Variants in FAM50B observed in about 807,000 individuals in gnomAD.
FAM50B encodes family with sequence similarity 50 member B, also known as protein FAM50B.
FAM50B carries 9 observed loss-of-function variants against 25.4 expected under a neutral mutation model. The ratio of observed to expected loss-of-function variants is 0.35; its 90% confidence interval spans 0.21 to 0.62. FAM50B has a LOEUF of 0.62. Among genes scored for constraint, FAM50B ranks in the 20% least tolerant of loss-of-function variants. The pLI, the probability that FAM50B is intolerant of heterozygous loss-of-function variation, is 0.73. For synonymous variants in FAM50B, 212 were observed against 204.3 expected (o/e 1.04, Z -0.32); for missense variants, 372 against 477.9 (o/e 0.78, Z 2.07).
the FAM50B span, among the ~76,000 whole-genome samples, chr6:3,837,085 A>G: frequency 6.6e-6 from 1 of 152,184 alleles, no homozygotes; most frequent in Non-Finnish European, 1.5e-5. Flanking sequence ...AATTAACTCA[A>G]ACTGGACCAC....
chr6:3,847,479 A>T (rs182223286), upstream of FAM50B, among the ~76,000 whole-genome samples: 1 of 152,082 alleles, frequency 6.6e-6, no homozygotes, highest in East Asian at 1.9e-4. Flanking sequence ...AAGCTTCCTC[A>T]CCTCTCTCAG....
upstream of FAM50B, among the ~76,000 whole-genome samples, chr6:3,845,405 A>T (rs937498655): frequency 2.6e-5 from 4 of 152,208 alleles, no homozygotes; most frequent in Non-Finnish European, 5.9e-5. Flanking sequence ...TTCTGATTCG[A>T]TTAGAGAAAG....
chr6:3,842,032 G>A, the FAM50B span, among the ~76,000 whole-genome samples: 2 of 152,236 alleles, frequency 1.3e-5, no homozygotes, highest in Non-Finnish European at 2.9e-5. Context: ...GCAGAAGAGC[G>A]CTTCACCCAG....
chr6:3,836,743 C>T, the FAM50B span, among the ~76,000 whole-genome samples: 1 of 152,144 alleles, frequency 6.6e-6, no homozygotes, highest in Admixed American at 6.5e-5. Flanking sequence ...AAGCACAATG[C>T]CATTGGTGTC....
At chr6:3,832,394 C>G in the FAM50B span, among the ~76,000 whole-genome samples, 1 of 152,094 alleles carries the variant, frequency 6.6e-6, no homozygotes, top group African/African-American at 2.4e-5. Flanking sequence ...CTCTCATGTC[C>G]CACTTAAAAT....
chr6:3,839,253 C>T, the FAM50B span, among the ~76,000 whole-genome samples: 1 of 151,840 alleles, frequency 6.6e-6, no homozygotes, highest in Non-Finnish European at 1.5e-5. Flanking sequence ...GGGGGAGCTG[C>T]CAGCCTCTTT....
chr6:3,838,534 CTCTG>C, the FAM50B span, among the ~76,000 whole-genome samples: 2 of 151,804 alleles, frequency 1.3e-5, no homozygotes, highest in South Asian at 2.1e-4. Context: ...CATGGTGAAA[CTCTG>C]TCTGTATTAA....
the FAM50B span, chr6:3,833,980 A>G: frequency 6.6e-6 from 1 of 152,258 alleles, no homozygotes; most frequent in East Asian, 1.9e-4. Flanking sequence ...TTGCAAATGA[A>G]TAAAAACATT....
chr6:3,846,987 G>A (rs766502556), upstream of FAM50B, among the ~76,000 whole-genome samples: 6 of 152,208 alleles, frequency 3.9e-5, no homozygotes. Context: ...AGAGCAGTAA[G>A]TCTCAACACT....
chr6:3,835,513 C>A, the FAM50B span, among the ~76,000 whole-genome samples: 2 of 152,106 alleles, frequency 1.3e-5, no homozygotes, highest in Non-Finnish European at 2.9e-5. Context: ...GAGTTAGGGC[C>A]TTTGCTGAGT....
At chr6:3,836,364 G>T in the FAM50B span, among the ~76,000 whole-genome samples, 1 of 152,158 alleles carries the variant, frequency 6.6e-6, no homozygotes, top group African/African-American at 2.4e-5. Context: ...CTGTGAATAT[G>T]GTAGCTGTGT....
chr6:3,832,062 A>G, the FAM50B span: 3 of 152,248 alleles, frequency 2.0e-5, no homozygotes, highest in South Asian at 6.2e-4. Flanking sequence ...TGCGGGAAGT[A>G]CAGCTGTTTA....
chr6:3,851,013 CT>C lies in FAM50B; in HGVS notation c.*225del. ...GTTGCCACCTGGATTTGCTGCATTGCTCTGCTGAGCTGTATTGAAACCATGA... is the reference window on the plus strand; with the variant it reads ...GTTGCCACCTGGATTTGCTGCATTGCCTGCTGAGCTGTATTGAAACCATGA... On this transcript the variant is annotated 3_prime_UTR_variant, in exon 2 of 2. Transcript: ENST00000648326. The C allele has an allele frequency of 1.5e-6, 1 of 656,264 alleles. No individual in the cohort carries two copies. Among genetic ancestry groups the C allele is most frequent in the Non-Finnish European group, 2.6e-6 (1 of 387,914 alleles). 40.7% of individuals were successfully genotyped at this position (656,264 alleles called of 1,614,324 possible).
At chr6:3,837,661 A>G in the FAM50B span, among the ~76,000 whole-genome samples, 1 of 152,228 alleles carries the variant, frequency 6.6e-6, no homozygotes, top group African/African-American at 2.4e-5. Context: ...TATTTCTTAC[A>G]GTTCTGGAGG....
the FAM50B span, among the ~76,000 whole-genome samples, chr6:3,842,357 T>TC: frequency 6.6e-6 from 1 of 152,242 alleles, no homozygotes. Context: ...GCCAGTGTCA[T>TC]ACTGTAATGC....
At chr6:3,847,049 AG>A, upstream of FAM50B, among the ~76,000 whole-genome samples, 1 of 152,368 alleles carries the variant, frequency 6.6e-6, no homozygotes, top group South Asian at 2.1e-4. Flanking sequence ...GCTGTCCTCC[AG>A]GTTTTGTTGT....
At chr6:3,844,984 G>A (rs1355936057), upstream of FAM50B, among the ~76,000 whole-genome samples, 2 of 152,028 alleles carry the variant, frequency 1.3e-5, no homozygotes, top group Non-Finnish European at 2.9e-5. Context: ...TCTCAATCAG[G>A]GAAGAATAAC....
upstream of FAM50B, among the ~76,000 whole-genome samples, chr6:3,848,641 C>T (rs992251326): frequency 1.4e-3 from 208 of 152,176 alleles, 1 homozygote; most frequent in African/African-American, 4.8e-3. Flanking sequence ...GCGAGTGTTA[C>T]CAGATCTCCT....
the FAM50B span, among the ~76,000 whole-genome samples, chr6:3,844,223 C>A: frequency 6.6e-6 from 1 of 152,162 alleles, no homozygotes; most frequent in East Asian, 1.9e-4. Context: ...TACTTTGTGA[C>A]TAAGCCTGGA....
Sources: gnomAD v4.1 joint callset for allele counts (sites outside exome capture counted in the v4.1 genomes callset) on GRCh38, gnomAD v4.1.1 for gene constraint, MANE v1.5 for transcripts, NCBI Gene and HGNC (gene_info 2026-07-23, HGNC 2026-07-21) for gene names.